TMBIM6: variants seen among roughly 807,000 people sequenced by gnomAD.
The protein encoded by TMBIM6 is bax inhibitor 1.
In TMBIM6, 13 loss-of-function variants were observed where a neutral mutation model predicts 31.4. The ratio of observed to expected loss-of-function variants is 0.41; its 90% confidence interval spans 0.27 to 0.66. The LOEUF (loss-of-function observed/expected upper bound fraction) is 0.66, where lower values mean the gene tolerates loss of function less well. Ranked by LOEUF, TMBIM6 falls within the 30% of genes least tolerant of loss-of-function variation. TMBIM6 has a pLI of 0.28. For synonymous variants in TMBIM6, 85 were observed against 101.7 expected (o/e 0.84, Z 0.99); for missense variants, 275 against 289.5 (o/e 0.95, Z 0.36).
At chr12:49,759,042 A>AGTATT (rs1242064067) in intron 7 of TMBIM6, 179 bp from the exon 8 acceptor site, 1 of 636,208 alleles carries the variant, frequency 1.6e-6, no homozygotes, top group Non-Finnish European at 2.8e-6. Context: ...TGACCAGTGC[A>AGTATT]GTATTGTGCC....
chr12:49,757,125 C>T (rs1185886375), intron 4 of TMBIM6, among the ~76,000 whole-genome samples: 1 of 152,202 alleles, frequency 6.6e-6, no homozygotes, highest in Non-Finnish European at 1.5e-5. Flanking sequence ...CCTCAGCCTC[C>T]CAAAGTGCTG....
chr12:49,746,896 C>T (rs1391899497), intron 1 of TMBIM6, among the ~76,000 whole-genome samples: 2 of 151,926 alleles, frequency 1.3e-5, no homozygotes, highest in African/African-American at 4.8e-5. Flanking sequence ...AGTGCAGTAG[C>T]GCAATCTCGG....
intron 9 of TMBIM6, chr12:49,762,027 C>T (rs1945729622): frequency 4.1e-6 from 2 of 491,408 alleles, no homozygotes; most frequent in Admixed American, 3.7e-5. Flanking sequence ...TGGCAGTAAA[C>T]ACAACCTGCT....
rs550485249 is a variant in TMBIM6 at position 49,764,672 on chromosome 12, G to A, written c.*1776G>A. ...TGTGCTTTTTGCTTGGGATAATGGA[G>A]TTTTTCTTTAGAAACAGTGCCAAGA... On this transcript the variant is annotated 3_prime_UTR_variant, in exon 10 of 10. Transcript: ENST00000267115. 1 of 136,096 alleles carries A rather than the reference G, an allele frequency of 7.3e-6. No individual in the cohort carries two copies. Among genetic ancestry groups the A allele is most frequent in the South Asian group, 2.4e-4 (1 of 4,228 alleles). 8.4% of individuals were successfully genotyped at this position (136,096 alleles called of 1,614,324 possible).
At chr12:49,742,485 C>T (rs1945315663) in intron 1 of TMBIM6, 2 of 542,974 alleles carry the variant, frequency 3.7e-6, no homozygotes, top group Admixed American at 3.9e-5. Flanking sequence ...ATCAGCCTTT[C>T]ATTGACCACC....
intron 8 of TMBIM6, among the ~76,000 whole-genome samples, chr12:49,760,392 A>C (rs969305297): frequency 6.6e-6 from 1 of 152,128 alleles, no homozygotes; most frequent in African/African-American, 2.4e-5. Context: ...CTGGGACAAC[A>C]GGCACGTGCG....
At chr12:49,751,646 A>T (rs1945496092) in intron 1 of TMBIM6, among the ~76,000 whole-genome samples, 1 of 152,018 alleles carries the variant, frequency 6.6e-6, no homozygotes, top group Non-Finnish European at 1.5e-5. Flanking sequence ...TTTGATACGC[A>T]TATATTTAAA....
At chr12:49,759,346 C>T (rs1353027584) in intron 8 of TMBIM6, 25 bp downstream of exon 8, 3 of 1,588,106 alleles carry the variant, frequency 1.9e-6, no homozygotes, top group African/African-American at 1.3e-5. Context: ...TAGTCTTTAA[C>T]AAGCATGAAG....
chr12:49,756,983 C>T (rs1463680737), intron 4 of TMBIM6, among the ~76,000 whole-genome samples: 2 of 152,096 alleles, frequency 1.3e-5, no homozygotes, highest in African/African-American at 2.4e-5. Context: ...CCGCCCACCT[C>T]GGCCTCCCAA....
At chr12:49,757,411 G>A (rs906605655) in intron 4 of TMBIM6, among the ~76,000 whole-genome samples, 6 of 152,216 alleles carry the variant, frequency 3.9e-5, no homozygotes, top group Non-Finnish European at 8.8e-5. Flanking sequence ...AGGAGCTTCT[G>A]TTCTGAGTCT....
chr12:49,741,765 CAG>C (rs981341136), intron 1 of TMBIM6, 154 bp downstream of exon 1: 50 of 234,928 alleles, frequency 2.1e-4, no homozygotes, highest in South Asian at 1.4e-3. Flanking sequence ...CTCGGGAAAA[CAG>C]GGTGTGGAGG....
chr12:49,749,146 A>G lies in TMBIM6; in HGVS notation c.-30-3318A>G, dbSNP rs1386511324. On this transcript the variant is annotated intron_variant, in intron 1 of 9. Transcript: ENST00000267115. ...GTTGAAGCTAAGATTGAAACTTGGT[A>G]AGTTTATTTTATCTGGCAAAACTTG... is the stretch of plus-strand genomic sequence containing the variant. 3.3e-5 allele frequency among the ~76,000 whole-genome samples: 5 copies of G among 152,200 alleles called. No homozygotes were observed. The East Asian group carries it at 9.6e-4, about 29-fold the overall frequency.
At chr12:49,758,817 CCT>C in intron 7 of TMBIM6, 55 bp downstream of exon 7, 1 of 1,344,858 alleles carries the variant, frequency 7.4e-7, no homozygotes, top group Non-Finnish European at 1.0e-6. Context: ...TTCTTTCTTT[CCT>C]TTTTTTTTTT....
At position 49,758,435 on chromosome 12, in the gene TMBIM6, C is replaced by G. The variant is rs766728105; in HGVS notation, c.388C>G (p.Leu130Val). The change falls in exon 6 of 10, where the codon CTC becomes GTC. Residue 130 changes from leucine to valine, a missense_variant. Coordinates refer to ENST00000267115, the MANE Select transcript of TMBIM6 (RefSeq NM_003217.3). The part of the protein sequence containing the change: ...GTAMIFTCFT[L>V]SALYARRRSY... ...GGCAATGATCTTTACCTGCTTCACC[C>G]TCAGTGCACTCTATGCCAGGCGCCG... 6.2e-7 allele frequency: 1 copy of G among 1,614,202 alleles called. No homozygotes were observed. The highest frequency in any genetic ancestry group is 8.5e-7 in the Non-Finnish European group (1 of 1,180,034).
chr12:49,752,846 G>A, intron 2 of TMBIM6, 127 bp from the exon 3 acceptor site: 1 of 901,588 alleles, frequency 1.1e-6, no homozygotes, highest in South Asian at 1.8e-5. Context: ...TTTCCTAAAA[G>A]TATTTCAAAC....
Position 49,763,009 on chromosome 12 carries a change from T to A in TMBIM6, c.*113T>A. ...GATAATGAAAAGCATCAGAAAAGCT[T>A]TTGTACTTTGTGGTTTCCTCTATTT... is the stretch of plus-strand genomic sequence containing the variant. On this transcript the variant is annotated 3_prime_UTR_variant, in exon 10 of 10. Coordinates refer to ENST00000267115, the MANE Select transcript of TMBIM6 (RefSeq NM_003217.3). The A allele has an allele frequency of 8.1e-7, 1 of 1,227,912 alleles. No homozygotes were observed. Among genetic ancestry groups the A allele is most frequent in the Non-Finnish European group, 1.1e-6 (1 of 874,022 alleles). The allele number at this position is 1,227,912 out of a possible 1,614,324, so 76.1% of individuals were successfully genotyped here.
chr12:49,752,671 G>A (rs762136128), intron 2 of TMBIM6, 122 bp downstream of exon 2: 8 of 856,496 alleles, frequency 9.3e-6, no homozygotes, highest in Non-Finnish European at 1.3e-5. Flanking sequence ...GAATCCAGAG[G>A]ACCTGATGAA....
At chr12:49,744,883 T>G (rs12313353) in intron 1 of TMBIM6, among the ~76,000 whole-genome samples, 17,978 of 152,154 alleles carry the variant, frequency 0.12, 1,608 homozygotes, top group African/African-American at 0.26. Flanking sequence ...TTTTGGGGCC[T>G]TCTTAGGATT....
chr12:49,749,839 A>G (rs1241974612), intron 1 of TMBIM6: 1 of 152,200 alleles, frequency 6.6e-6, no homozygotes, highest in African/African-American at 2.4e-5. Flanking sequence ...AATTTCTCCC[A>G]GTGATAGGTC....
Sources: allele counts gnomAD v4.1 joint callset (sites outside exome capture counted in the v4.1 genomes callset), GRCh38; gene constraint gnomAD v4.1.1; transcripts MANE v1.5; gene names NCBI Gene and HGNC (gene_info 2026-07-23, HGNC 2026-07-21).